SNTG2: variants seen among roughly 807,000 people sequenced by gnomAD.
The protein encoded by SNTG2 is gamma-2-syntrophin.
Under a neutral mutation model 70.9 loss-of-function variants are expected in SNTG2, and 74 were observed. The ratio of observed to expected loss-of-function variants is 1.04; its 90% CI spans 0.86 to 1.27. SNTG2 has a LOEUF of 1.27. Ranked by LOEUF, SNTG2 falls within the 50% of genes most tolerant of loss-of-function variation. The probability of loss-of-function intolerance (pLI) is 0.00; values close to 1 mark genes in which losing one functional copy is unlikely to be tolerated. For missense variants in SNTG2, 717 were observed against 690.7 expected (o/e 1.04, Z -0.43); for synonymous variants, 278 against 273.8 (o/e 1.02, Z -0.15).
intron 12 of SNTG2, among the ~76,000 whole-genome samples, chr2:1,255,918 A>AAAT (rs1558603026): frequency 1.4e-5 from 1 of 71,244 alleles, no homozygotes; most frequent in Non-Finnish European, 2.4e-5. Context: ...ATATATATAT[A>AAAT]AATATATAAA....
At chr2:1,144,066 A>G (rs144632270) in intron 6 of SNTG2, among the ~76,000 whole-genome samples, 4 of 152,292 alleles carry the variant, frequency 2.6e-5, no homozygotes, top group Admixed American at 6.5e-5. Context: ...CCATAGATCC[A>G]TCTACCCAAG....
intron 16 of SNTG2, among the ~76,000 whole-genome samples, chr2:1,337,977 C>T (rs1399937144): frequency 1.3e-5 from 2 of 152,168 alleles, no homozygotes; most frequent in Non-Finnish European, 2.9e-5. Context: ...CCCCATTGCA[C>T]GGACATTTCT....
chr2:1,209,026 AG>A, intron 8 of SNTG2, 76 bp from the exon 9 acceptor site: 1 of 1,558,664 alleles, frequency 6.4e-7, no homozygotes, highest in Non-Finnish European at 8.7e-7. Context: ...TCTGTGTTCC[AG>A]GTGCCTGCAG....
At chr2:964,555 A>G (rs1369878792) in intron 1 of SNTG2, among the ~76,000 whole-genome samples, 1 of 152,148 alleles carries the variant, frequency 6.6e-6, no homozygotes, top group African/African-American at 2.4e-5. Context: ...GAAGGATGGG[A>G]GGAGGAAGGG....
At chr2:1,091,214 C>T (rs1389972186) in intron 2 of SNTG2, among the ~76,000 whole-genome samples, 2 of 152,146 alleles carry the variant, frequency 1.3e-5, no homozygotes, top group Non-Finnish European at 2.9e-5. Flanking sequence ...TGAGAGGCAG[C>T]TGACATGGAC....
At chr2:1,191,170 A>G (rs1672570323) in intron 8 of SNTG2, among the ~76,000 whole-genome samples, 1 of 152,160 alleles carries the variant, frequency 6.6e-6, no homozygotes, top group Admixed American at 6.5e-5. Context: ...TGACTTTTAC[A>G]TTTGTAAAAT....
chr2:1,271,312 TA>T (rs1372879959), intron 14 of SNTG2, among the ~76,000 whole-genome samples: 1 of 152,168 alleles, frequency 6.6e-6, no homozygotes, highest in African/African-American at 2.4e-5. Context: ...TTTTCCTTTT[TA>T]TTGAAAAGTC....
At chr2:1,008,916 T>C (rs1659645260) in intron 1 of SNTG2, among the ~76,000 whole-genome samples, 3 of 152,254 alleles carry the variant, frequency 2.0e-5, no homozygotes, top group Non-Finnish European at 4.4e-5. Flanking sequence ...CAGAAAGTGC[T>C]GTTTCAAATT....
intron 1 of SNTG2, among the ~76,000 whole-genome samples, chr2:992,973 A>C (rs938195336): frequency 9.2e-5 from 14 of 151,930 alleles, no homozygotes; most frequent in Admixed American, 8.5e-4. Context: ...CCTCCCCCCA[A>C]ATCCTGGCAA....
chr2:1,238,311 CAT>C (rs1254701465), intron 10 of SNTG2, among the ~76,000 whole-genome samples: 3 of 152,118 alleles, frequency 2.0e-5, no homozygotes, highest in Non-Finnish European at 4.4e-5. Context: ...TCTCCACACA[CAT>C]ATACAGAAAT....
intron 16 of SNTG2, among the ~76,000 whole-genome samples, chr2:1,331,376 G>C (rs923323472): frequency 1.4e-4 from 22 of 152,218 alleles, no homozygotes; most frequent in African/African-American, 4.6e-4. Flanking sequence ...TGCTAGACTG[G>C]AATACTGTGA....
At chr2:1,123,050 C>G (rs143794577) in intron 4 of SNTG2, among the ~76,000 whole-genome samples, 1 of 152,042 alleles carries the variant, frequency 6.6e-6, no homozygotes, top group African/African-American at 2.4e-5. Context: ...GAAGACAATT[C>G]AAAACATTGA....
At chr2:1,138,663 A>G (rs1034511062) in intron 6 of SNTG2, among the ~76,000 whole-genome samples, 3 of 152,166 alleles carry the variant, frequency 2.0e-5, no homozygotes, top group Non-Finnish European at 4.4e-5. Context: ...TCCAGGACAC[A>G]CGCCTGGGGC....
chr2:1,019,011 C>A (rs1489456120), intron 1 of SNTG2, among the ~76,000 whole-genome samples: 2 of 152,230 alleles, frequency 1.3e-5, no homozygotes, highest in African/African-American at 4.8e-5. Flanking sequence ...GCTCTATCTA[C>A]AGTGCTGACA....
intron 1 of SNTG2, among the ~76,000 whole-genome samples, chr2:1,054,699 TC>T (rs1378929555): frequency 6.6e-6 from 1 of 152,218 alleles, no homozygotes; most frequent in African/African-American, 2.4e-5. Flanking sequence ...TGAAGTCTTT[TC>T]CCCAGACCTT....
intron 4 of SNTG2, among the ~76,000 whole-genome samples, chr2:1,119,353 T>C (rs1486731826): frequency 6.6e-6 from 1 of 152,058 alleles, no homozygotes; most frequent in Non-Finnish European, 1.5e-5. Flanking sequence ...AACTCACGGG[T>C]AGAAGGAAGT....
intron 6 of SNTG2, among the ~76,000 whole-genome samples, chr2:1,162,010 C>G (rs2147847670): frequency 7.6e-6 from 1 of 132,018 alleles, no homozygotes; most frequent in African/African-American, 2.8e-5. Context: ...GGAGGCGGAG[C>G]TTGCAGTGGG....
At chr2:1,266,021 A>G (rs1169026595) in intron 13 of SNTG2, among the ~76,000 whole-genome samples, 1 of 152,138 alleles carries the variant, frequency 6.6e-6, no homozygotes, top group African/African-American at 2.4e-5. Flanking sequence ...TGAATGGGTG[A>G]GCTGAGAACT....
At chr2:1,038,116 C>T (rs1242213123) in intron 1 of SNTG2, among the ~76,000 whole-genome samples, 4 of 152,172 alleles carry the variant, frequency 2.6e-5, no homozygotes, top group African/African-American at 9.7e-5. Flanking sequence ...CAAAACCTGG[C>T]CCTACTTTTG....
Sources: gnomAD v4.1 joint callset for allele counts (sites outside exome capture counted in the v4.1 genomes callset) on GRCh38, gnomAD v4.1.1 for gene constraint, MANE v1.5 for transcripts, NCBI Gene and HGNC (gene_info 2026-07-23, HGNC 2026-07-21) for gene names.